The following PRKN variants were observed in gnomAD, a reference collection of about 807,000 sequenced individuals.
PRKN encodes the protein E3 ubiquitin-protein ligase parkin.
A neutral mutation model predicts 59.5 loss-of-function variants in PRKN; 56 were observed. The ratio of observed to expected loss-of-function variants is 0.94; its 90% CI spans 0.76 to 1.18. The LOEUF is 1.18. PRKN is among the 50% of genes most tolerant of loss of function. The pLI, the probability that PRKN is intolerant of heterozygous loss-of-function variation, is 0.00. For missense variants in PRKN, 657 were observed against 596.4 expected, an observed-to-expected ratio of 1.10 and a Z score of -1.06; for synonymous variants, 250 against 222.1, an observed-to-expected ratio of 1.13 and a Z score of -1.12.
intron 1 of PRKN, among the ~76,000 whole-genome samples, chr6:162,638,739 CTT>C (rs370517141): frequency 7.0e-5 from 7 of 99,642 alleles, no homozygotes; most frequent in East Asian, 3.3e-4. Flanking sequence ...CTAACTATCC[CTT>C]TTTTTTTTTT....
chr6:161,532,801 G>GGACA, intron 9 of PRKN, among the ~76,000 whole-genome samples: 1 of 152,046 alleles, frequency 6.6e-6, no homozygotes, highest in Non-Finnish European at 1.5e-5. Context: ...AGTCAAGAAG[G>GGACA]GTGGCTGTCA....
chr6:162,443,580 G>T, intron 1 of PRKN, 107 bp from the exon 2 acceptor site: 1 of 983,098 alleles, frequency 1.0e-6, no homozygotes, highest in Non-Finnish European at 1.6e-6. Flanking sequence ...GCCCTTCAGT[G>T]AATGGTATAT....
chr6:162,217,307 A>G (rs2187211), intron 3 of PRKN, among the ~76,000 whole-genome samples: 152,097 of 152,280 alleles, frequency 1, 75,960 homozygotes, highest in Middle Eastern at 1. Flanking sequence ...ACAAACACAC[A>G]CATCCACATG....
At chr6:162,244,445 A>G (rs1322040135) in intron 3 of PRKN, among the ~76,000 whole-genome samples, 2 of 152,128 alleles carry the variant, frequency 1.3e-5, no homozygotes. Flanking sequence ...ATTGTGTTTA[A>G]AAATATATAA....
At chr6:161,586,027 A>T (rs560886309) in intron 7 of PRKN, among the ~76,000 whole-genome samples, 58 of 148,422 alleles carry the variant, frequency 3.9e-4, no homozygotes, top group Middle Eastern at 3.4e-3. Context: ...TTCTTTTTTT[A>T]AAAAAAAGAA....
At chr6:161,677,296 G>C (rs965809151) in intron 7 of PRKN, among the ~76,000 whole-genome samples, 1 of 151,480 alleles carries the variant, frequency 6.6e-6, no homozygotes, top group African/African-American at 2.4e-5. Context: ...TGTTTGGTGA[G>C]GGGGGTGAAG....
intron 3 of PRKN, among the ~76,000 whole-genome samples, chr6:162,206,392 CA>C (rs1304364773): frequency 6.6e-6 from 1 of 152,176 alleles, no homozygotes; most frequent in Non-Finnish European, 1.5e-5. Flanking sequence ...ACCACAGAAC[CA>C]GCTACTGATA....
At position 162,436,394 on chromosome 6, in the gene PRKN, G is replaced by A. The variant is rs189372604; in HGVS notation, c.171+6916C>T. ...GTGGCCCAGGCTGGAGTGCAATGGC[G>A]CAATCTTGGCTCACTGCCACCTCCG... On this transcript the variant is annotated intron_variant, in intron 2 of 11. Coordinates refer to ENST00000366898, the MANE Select transcript of PRKN (RefSeq NM_004562.3). 3.5e-3 allele frequency among the ~76,000 whole-genome samples: 529 copies of A among 150,332 alleles called. 1 individual carries two copies. Among genetic ancestry groups the A allele is most frequent in the Middle Eastern group, 0.01 (3 of 294 alleles).
At chr6:161,750,118 T>TATATATATATATATATATACACAC (rs1269147499) in intron 7 of PRKN, among the ~76,000 whole-genome samples, 2 of 137,830 alleles carry the variant, frequency 1.5e-5, no homozygotes, top group Middle Eastern at 3.8e-3. Flanking sequence ...TATATATATA[T>TATATATATATATATATATACACAC]ACACACACAC....
intron 7 of PRKN, among the ~76,000 whole-genome samples, chr6:161,713,874 G>A (rs1436476929): frequency 1.2e-4 from 18 of 152,078 alleles, no homozygotes. Context: ...TGTTCTCGTG[G>A]GAGTGAATAA....
At chr6:162,236,764 C>T (rs947564680) in intron 3 of PRKN, among the ~76,000 whole-genome samples, 4 of 151,356 alleles carry the variant, frequency 2.6e-5, no homozygotes, top group Non-Finnish European at 1.5e-5. Flanking sequence ...CATTGCACTC[C>T]GCCTGGGTGA....
chr6:162,614,226 T>G (rs1782307621), intron 1 of PRKN, among the ~76,000 whole-genome samples: 1 of 152,062 alleles, frequency 6.6e-6, no homozygotes, highest in African/African-American at 2.4e-5. Context: ...ACCCAGTTAG[T>G]TACTAGGTGA....
At chr6:162,180,570 C>T (rs1583161577) in intron 4 of PRKN, among the ~76,000 whole-genome samples, 1 of 152,172 alleles carries the variant, frequency 6.6e-6, no homozygotes. Context: ...ACAGGACAAG[C>T]TTAAGAGCTG....
At chr6:162,496,054 A>G (rs1793052365) in intron 1 of PRKN, among the ~76,000 whole-genome samples, 1 of 152,136 alleles carries the variant, frequency 6.6e-6, no homozygotes, top group Admixed American at 6.6e-5. Context: ...CCTGGCCAAC[A>G]TGGTGAAACC....
At chr6:162,088,380 A>G (rs1449013416) in intron 4 of PRKN, among the ~76,000 whole-genome samples, 1 of 152,196 alleles carries the variant, frequency 6.6e-6, no homozygotes, top group African/African-American at 2.4e-5. Flanking sequence ...GGAAAACAGT[A>G]AATGAATAAC....
At chr6:161,623,682 C>CTG (rs1469084215) in intron 7 of PRKN, among the ~76,000 whole-genome samples, 1 of 152,142 alleles carries the variant, frequency 6.6e-6, no homozygotes, top group African/African-American at 2.4e-5. Context: ...ACCTTAGTGC[C>CTG]TGTGTATACT....
chr6:162,418,262 T>C (rs533107553), intron 2 of PRKN, among the ~76,000 whole-genome samples: 12 of 152,280 alleles, frequency 7.9e-5, no homozygotes, highest in South Asian at 4.1e-4. Flanking sequence ...CAAAAAGATA[T>C]ATATTGTGTA....
rs533014062 is a variant in PRKN at position 162,488,360 on chromosome 6, T to C, written c.8-44887A>G. Reference sequence around the variant, plus strand: ...CATGTATGTCCCACGACAATAAAATTATTGAAAAGCAAGTGCCACCAGTGT... The same window carrying C: ...CATGTATGTCCCACGACAATAAAATCATTGAAAAGCAAGTGCCACCAGTGT... On this transcript the variant is annotated intron_variant, in intron 1 of 11. Transcript: ENST00000366898. Among the ~76,000 whole-genome samples, 5 of 152,266 alleles carry C rather than the reference T, an allele frequency of 3.3e-5. No individual in the cohort carries two copies. In the South Asian group the frequency reaches 1.0e-3, roughly 32 times the overall value.
rs79028032 is a variant in PRKN at position 162,359,963 on chromosome 6, T to C, written c.171+83347A>G. Among the ~76,000 whole-genome samples, 1,277 of 152,284 alleles carry C rather than the reference T, an allele frequency of 8.4e-3. 10 individuals carry two copies. The highest frequency in any genetic ancestry group is 0.013 in the Non-Finnish European group (861 of 68,010). On this transcript the variant is annotated intron_variant, in intron 2 of 11. Transcript: ENST00000366898. ...TATTATTGTTTTATTCTTCAAAATGTTTTCTAAACTGTCTCAGTTCTCGTC... is the reference window on the plus strand; with the variant it reads ...TATTATTGTTTTATTCTTCAAAATGCTTTCTAAACTGTCTCAGTTCTCGTC...
Sources: gnomAD v4.1 joint callset for allele counts (sites outside exome capture counted in the v4.1 genomes callset) on GRCh38, gnomAD v4.1.1 for gene constraint, MANE v1.5 for transcripts, NCBI Gene and HGNC (gene_info 2026-07-23, HGNC 2026-07-21) for gene names.